The following RASGRF2 variants were observed in gnomAD, a reference collection of about 807,000 sequenced individuals.
RASGRF2 encodes ras-specific guanine nucleotide-releasing factor 2.
In RASGRF2, 76 loss-of-function variants were observed where a neutral mutation model predicts 151.0. The ratio of observed to expected loss-of-function variants is 0.50; its 90% CI spans 0.42 to 0.61. RASGRF2 has a LOEUF of 0.61. Ranked by LOEUF, RASGRF2 falls within the 20% of genes least tolerant of loss-of-function variation. The pLI is 0.00. For missense variants in RASGRF2, 1,148 were observed against 1,564.6 expected, an observed-to-expected ratio of 0.73 and a Z score of 4.49; for synonymous variants, 504 against 566.5, an observed-to-expected ratio of 0.89 and a Z score of 1.57.
At chr5:81,020,315 G>C (rs1749783485) in intron 1 of RASGRF2, among the ~76,000 whole-genome samples, 1 of 152,112 alleles carries the variant, frequency 6.6e-6, no homozygotes, top group Non-Finnish European at 1.5e-5. Flanking sequence ...ATATTGGGAG[G>C]CTTAAGGGGG....
intron 2 of RASGRF2, 148 bp downstream of exon 2, chr5:81,043,131 T>A (rs1483249930): frequency 1.7e-6 from 1 of 580,314 alleles, no homozygotes; most frequent in African/African-American, 1.9e-5. Flanking sequence ...AGATCATTAT[T>A]TGAGCTTTCC....
intron 1 of RASGRF2, among the ~76,000 whole-genome samples, chr5:80,982,086 C>T (rs1032208641): frequency 2.6e-5 from 4 of 152,182 alleles, no homozygotes; most frequent in African/African-American, 7.2e-5. Context: ...GCTTTTCTGC[C>T]TGTGAAGGTC....
intron 12 of RASGRF2, among the ~76,000 whole-genome samples, chr5:81,099,907 C>CTTTTTTTTTTT (rs577876645): frequency 1.6e-5 from 2 of 125,038 alleles, no homozygotes; most frequent in African/African-American, 6.1e-5. Context: ...TTTCTTTTTT[C>CTTTTTTTTTTT]TTTTTTTTTT....
At chr5:81,100,379 A>G (rs970751630) in intron 12 of RASGRF2, among the ~76,000 whole-genome samples, 2 of 152,172 alleles carry the variant, frequency 1.3e-5, no homozygotes, top group Admixed American at 6.5e-5. Context: ...TAAGACTTTT[A>G]GCTTTGCCAG....
intron 17 of RASGRF2, among the ~76,000 whole-genome samples, chr5:81,145,971 A>G (rs971416276): frequency 1.3e-5 from 2 of 152,240 alleles, no homozygotes; most frequent in Non-Finnish European, 2.9e-5. Flanking sequence ...CGTAAGGGGC[A>G]TATTTTCATT....
At chr5:80,993,106 C>T (rs1334445394) in intron 1 of RASGRF2, among the ~76,000 whole-genome samples, 1 of 152,044 alleles carries the variant, frequency 6.6e-6, no homozygotes. Context: ...CTGTCCTTTG[C>T]TAGAGGTTGA....
chr5:81,155,448 A>G (rs1273308553), intron 17 of RASGRF2, among the ~76,000 whole-genome samples: 1 of 152,264 alleles, frequency 6.6e-6, no homozygotes, highest in Non-Finnish European at 1.5e-5. Flanking sequence ...GACAAATCTT[A>G]AACTAGATTG....
chr5:81,073,348 G>A lies in RASGRF2; in HGVS notation c.783G>A (p.Gln261=). Residue 261 remains glutamine, a synonymous_variant, in exon 5 of 27, where the codon CAG becomes CAA. Transcript: ENST00000265080. ...AGGCAGAGTCAGAGTACGTTCACCA[G>A]CTCTACATCCTGGTCAATGGCTTTC... ...MVEAESEYVH[Q]LYILVNGFLR... 6.2e-7 allele frequency: 1 copy of A among 1,614,166 alleles called. No homozygotes were observed. Among genetic ancestry groups the A allele is most frequent in the Non-Finnish European group, 8.5e-7 (1 of 1,180,022 alleles).
intron 23 of RASGRF2, among the ~76,000 whole-genome samples, chr5:81,213,391 C>T (rs543918796): frequency 9.2e-5 from 14 of 152,280 alleles, no homozygotes; most frequent in African/African-American, 3.4e-4. Context: ...TCCAGGCTCT[C>T]ACGTCCCATT....
intron 1 of RASGRF2, among the ~76,000 whole-genome samples, chr5:80,995,957 T>G (rs1253745082): frequency 1.3e-5 from 2 of 152,100 alleles, no homozygotes; most frequent in Non-Finnish European, 2.9e-5. Context: ...CCTTGCAAAG[T>G]GCTGGGATTA....
chr5:81,147,517 T>C (rs1399935125), intron 17 of RASGRF2, among the ~76,000 whole-genome samples: 1 of 152,114 alleles, frequency 6.6e-6, no homozygotes, highest in Non-Finnish European at 1.5e-5. Context: ...AAATCAAGAG[T>C]CATAAACCTG....
chr5:80,971,522 C>T (rs1358832520), intron 1 of RASGRF2, among the ~76,000 whole-genome samples: 1 of 151,980 alleles, frequency 6.6e-6, no homozygotes, highest in Admixed American at 6.6e-5. Flanking sequence ...CCCACCTCAG[C>T]CTCCTGACTA....
chr5:81,111,775 A>G (rs1173451835), intron 13 of RASGRF2, among the ~76,000 whole-genome samples: 1 of 152,194 alleles, frequency 6.6e-6, no homozygotes, highest in Non-Finnish European at 1.5e-5. Flanking sequence ...TCTAGAGAGC[A>G]AAATACCTAA....
rs1580420934 is a variant in RASGRF2 at position 81,225,958 on chromosome 5, G to T, written c.*188G>T. On this transcript the variant is annotated 3_prime_UTR_variant, in exon 27 of 27. Coordinates refer to ENST00000265080, the MANE Select transcript of RASGRF2 (RefSeq NM_006909.3). ...GTTTGGGTCAAAGACAGATGCTTCAGACTTGGGTGGGAAGGTGAAAGATGG... is the reference window on the plus strand; with the variant it reads ...GTTTGGGTCAAAGACAGATGCTTCATACTTGGGTGGGAAGGTGAAAGATGG... 1 of 544,352 alleles carries T rather than the reference G, an allele frequency of 1.8e-6. No homozygotes were observed. The highest frequency in any genetic ancestry group is 2.9e-6 in the Non-Finnish European group (1 of 339,254). The allele number at this position is 544,352 out of a possible 1,614,324, so 33.7% of individuals were successfully genotyped here.
At position 81,123,741 on chromosome 5, in the gene RASGRF2, G is replaced by A. The variant is rs771253718; in HGVS notation, c.2570G>A (p.Arg857Gln). ...LSPCRSPSTP[R>Q]HLRYRQPGGQ... Reference sequence around the variant, plus strand: ...CCTTGCAGATCCCCCTCAACTCCTCGGCACCTCCGCTATCGACAGCCTGGA... The same window carrying A: ...CCTTGCAGATCCCCCTCAACTCCTCAGCACCTCCGCTATCGACAGCCTGGA... The change falls in exon 16 of 27, where the codon CGG becomes CAG. Residue 857 changes from arginine to glutamine, a missense_variant. Coordinates refer to ENST00000265080, the MANE Select transcript of RASGRF2 (RefSeq NM_006909.3). 27 of 1,613,682 alleles carry A rather than the reference G, an allele frequency of 1.7e-5. No individual in the cohort carries two copies. Among genetic ancestry groups the A allele is most frequent in the Non-Finnish European group, 2.1e-5 (25 of 1,179,892 alleles).
rs116387822 is a variant in RASGRF2, at chr5:81,182,977, A to T, written c.2793+2696A>T. Among the ~76,000 whole-genome samples the T allele has an allele frequency of 9.8e-4, 149 of 152,332 alleles. 1 individual carries two copies. The highest frequency in any genetic ancestry group is 3.3e-3 in the African/African-American group (138 of 41,572). ...TTTTTGGTTTTCACATCATAAAGCG[A>T]AGGGCTTGGATACGATGATTTTTAA... is the stretch of plus-strand genomic sequence containing the variant. On this transcript the variant is annotated intron_variant, in intron 18 of 26. Coordinates refer to ENST00000265080, the MANE Select transcript of RASGRF2 (RefSeq NM_006909.3).
rs1162094146 is a variant in RASGRF2, at chr5:81,227,531, C to G, written c.*1761C>G. On this transcript the variant is annotated 3_prime_UTR_variant, in exon 27 of 27. Transcript: ENST00000265080. ...AGTTTCAAATAAGAGGTTGACGCAT[C>G]TTGATGCATGATGAGAAGCATGGGC... 2 of 152,160 alleles carry G rather than the reference C, an allele frequency of 1.3e-5. No homozygotes were observed. Among genetic ancestry groups the G allele is most frequent in the Non-Finnish European group, 2.9e-5 (2 of 68,030 alleles). The allele number at this position is 152,160 out of a possible 1,614,324, so 9.4% of individuals were successfully genotyped here.
intron 1 of RASGRF2, among the ~76,000 whole-genome samples, chr5:80,981,779 T>G (rs953930940): frequency 6.6e-6 from 1 of 152,166 alleles, no homozygotes; most frequent in African/African-American, 2.4e-5. Flanking sequence ...TTGGCCAGGC[T>G]GATTGCAAAC....
At chr5:81,219,612 C>G in intron 25 of RASGRF2, 98 bp from the exon 26 acceptor site, 1 of 963,742 alleles carries the variant, frequency 1.0e-6, no homozygotes, top group Non-Finnish European at 1.6e-6. Context: ...AGGGACTGAC[C>G]CTTCTGGGAA....
Sources: gnomAD v4.1 joint callset for allele counts (sites outside exome capture counted in the v4.1 genomes callset) on GRCh38, gnomAD v4.1.1 for gene constraint, MANE v1.5 for transcripts, NCBI Gene and HGNC (gene_info 2026-07-23, HGNC 2026-07-21) for gene names.